The following SBF2 variants were observed in gnomAD, a reference collection of about 807,000 sequenced individuals.
SBF2 encodes SET binding factor 2.
In SBF2, 112 loss-of-function variants were observed where a neutral mutation model predicts 225.2. The ratio of observed to expected loss-of-function variants is 0.50; its 90% CI spans 0.43 to 0.58. The LOEUF (loss-of-function observed/expected upper bound fraction) is 0.58. Ranked by LOEUF, SBF2 falls within the 20% of genes least tolerant of loss-of-function variation. The pLI is 0.00. For missense variants in SBF2, 1,996 were observed against 2,206.2 expected (o/e 0.90, Z 1.91); for synonymous variants, 763 against 773.3 (o/e 0.99, Z 0.22).
intron 2 of SBF2, among the ~76,000 whole-genome samples, chr11:10,111,703 G>A (rs1429730470): frequency 2.0e-5 from 3 of 151,938 alleles, no homozygotes; most frequent in African/African-American, 7.3e-5. Context: ...TGGCAAAACC[G>A]CATCTCTACT....
intron 17 of SBF2, among the ~76,000 whole-genome samples, chr11:9,891,949 T>A (rs937698227): frequency 1.2e-4 from 19 of 152,180 alleles, no homozygotes; most frequent in African/African-American, 4.6e-4. Context: ...GAATAGTAGG[T>A]ACATATATAC....
chr11:9,844,433 GA>G (rs1856396576), intron 24 of SBF2, among the ~76,000 whole-genome samples: 3 of 152,148 alleles, frequency 2.0e-5, no homozygotes, highest in Admixed American at 2.0e-4. Flanking sequence ...AACAGTGAAT[GA>G]AATTTTAGCC....
chr11:9,801,814 T>C (rs1384533605), intron 32 of SBF2, among the ~76,000 whole-genome samples: 1 of 152,210 alleles, frequency 6.6e-6, no homozygotes, highest in Non-Finnish European at 1.5e-5. Context: ...CTACAGCTAT[T>C]TTGCCAATAT....
At chr11:9,901,927 T>C (rs1861753439) in intron 16 of SBF2, among the ~76,000 whole-genome samples, 1 of 152,230 alleles carries the variant, frequency 6.6e-6, no homozygotes, top group South Asian at 2.1e-4. Context: ...ATCATAGGCA[T>C]GAAAACAGGT....
chr11:9,827,676 C>T (rs1855150409), intron 28 of SBF2, among the ~76,000 whole-genome samples: 2 of 152,222 alleles, frequency 1.3e-5, no homozygotes, highest in African/African-American at 4.8e-5. Flanking sequence ...CTCATGTCAG[C>T]AGCTACCTGG....
intron 2 of SBF2, among the ~76,000 whole-genome samples, chr11:10,132,144 T>C (rs1954089707): frequency 6.6e-6 from 1 of 152,206 alleles, no homozygotes; most frequent in South Asian, 2.1e-4. Context: ...ATTGTTTTTG[T>C]ACCTTTGTCA....
At chr11:9,900,708 C>T (rs1333154862) in intron 16 of SBF2, among the ~76,000 whole-genome samples, 1 of 152,126 alleles carries the variant, frequency 6.6e-6, no homozygotes. Flanking sequence ...GGCACTGAAA[C>T]TTTATTTATA....
At chr11:9,956,370 A>C (rs906474538) in intron 16 of SBF2, among the ~76,000 whole-genome samples, 4 of 152,204 alleles carry the variant, frequency 2.6e-5, no homozygotes, top group African/African-American at 9.6e-5. Context: ...TTTCTAAAGT[A>C]GCTATACCAA....
At chr11:10,127,684 G>A (rs1367386519) in intron 2 of SBF2, among the ~76,000 whole-genome samples, 2 of 151,998 alleles carry the variant, frequency 1.3e-5, no homozygotes, top group African/African-American at 2.4e-5. Context: ...TAAATATATT[G>A]TCTTTATCTA....
chr11:10,266,889 GAC>G (rs1356578301), intron 1 of SBF2, among the ~76,000 whole-genome samples: 2 of 152,166 alleles, frequency 1.3e-5, no homozygotes, highest in African/African-American at 4.8e-5. Context: ...AGGAGTTCGA[GAC>G]CAGCCTGGCC....
At chr11:10,245,499 A>G (rs2135472170) in intron 1 of SBF2, among the ~76,000 whole-genome samples, 1 of 152,296 alleles carries the variant, frequency 6.6e-6, no homozygotes, top group East Asian at 1.9e-4. Flanking sequence ...AAAGATAAGT[A>G]ATGTTGGCAA....
chr11:10,272,605 C>G (rs1166614776), intron 1 of SBF2, among the ~76,000 whole-genome samples: 1 of 152,000 alleles, frequency 6.6e-6, no homozygotes, highest in African/African-American at 2.4e-5. Context: ...AACCCCGTCT[C>G]TACTAAAAAT....
intron 6 of SBF2, among the ~76,000 whole-genome samples, chr11:10,026,580 T>C (rs1193833024): frequency 6.6e-6 from 1 of 151,854 alleles, no homozygotes; most frequent in Non-Finnish European, 1.5e-5. Flanking sequence ...AACAAAAAAA[T>C]TAAAAAAATT....
chr11:10,065,951 C>CAACA (rs890922407), intron 2 of SBF2, among the ~76,000 whole-genome samples: 21 of 151,994 alleles, frequency 1.4e-4, no homozygotes, highest in East Asian at 1.9e-4. Flanking sequence ...CCTTCTCAAA[C>CAACA]AACAAACAAA....
intron 13 of SBF2, among the ~76,000 whole-genome samples, chr11:9,981,344 T>G (rs1946951136): frequency 6.6e-6 from 1 of 152,086 alleles, no homozygotes; most frequent in Non-Finnish European, 1.5e-5. Context: ...AAGTGACTAC[T>G]GGGTACTCTG....
At chr11:10,168,250 T>C (rs1178291977) in intron 2 of SBF2, among the ~76,000 whole-genome samples, 1 of 152,146 alleles carries the variant, frequency 6.6e-6, no homozygotes. Flanking sequence ...CAAATAGATA[T>C]CTGTTAAATG....
At chr11:10,178,892 C>T (rs1487143329) in intron 2 of SBF2, among the ~76,000 whole-genome samples, 2 of 148,318 alleles carry the variant, frequency 1.3e-5, no homozygotes, top group Admixed American at 6.8e-5. Flanking sequence ...GACACATGCA[C>T]ACGTATGTTT....
intron 2 of SBF2, among the ~76,000 whole-genome samples, chr11:10,062,342 G>C (rs2134759929): frequency 6.6e-6 from 1 of 152,064 alleles, no homozygotes; most frequent in African/African-American, 2.4e-5. Flanking sequence ...TGACAAATGG[G>C]GTCTAATTTA....
At chr11:10,007,787 C>A (rs1819980314) in intron 6 of SBF2, among the ~76,000 whole-genome samples, 2 of 152,302 alleles carry the variant, frequency 1.3e-5, no homozygotes, top group Admixed American at 1.3e-4. Flanking sequence ...CTGGACACCA[C>A]CCTCTTAGGT....
Sources: allele counts gnomAD v4.1 joint callset (sites outside exome capture counted in the v4.1 genomes callset), GRCh38; gene constraint gnomAD v4.1.1; transcripts MANE v1.5; gene names NCBI Gene and HGNC (gene_info 2026-07-23, HGNC 2026-07-21).